NFKBIA: variants seen among roughly 807,000 people sequenced by gnomAD.
The protein encoded by NFKBIA is NF-kappa-B inhibitor alpha.
A neutral mutation model predicts 36.3 loss-of-function variants in NFKBIA; 10 were observed. The observed-to-expected ratio is 0.28, with a 90% CI of 0.17 to 0.47. The LOEUF (loss-of-function observed/expected upper bound fraction) is 0.47. Ranked by LOEUF, NFKBIA falls within the 20% of genes least tolerant of loss-of-function variation. NFKBIA has a pLI of 0.99. For missense variants in NFKBIA, 355 were observed against 399.3 expected (o/e 0.89, Z 0.94); for synonymous variants, 205 against 164.4 (o/e 1.25, Z -1.89).
chr14:35,403,838 G>T, intron 1 of NFKBIA, 40 bp from the exon 2 acceptor site: 1 of 1,468,662 alleles, frequency 6.8e-7, no homozygotes, highest in Non-Finnish European at 9.5e-7. Context: ...GGTGGTGAGT[G>T]CACCGCGTGG....
Position 35,401,999 on chromosome 14 carries a change from C to T in NFKBIA, c.*14G>A, listed in dbSNP as rs768552445. 3.7e-6 allele frequency: 6 copies of T among 1,613,198 alleles called. No individual in the cohort carries two copies. The highest frequency in any genetic ancestry group is 1.7e-5 in the Admixed American group (1 of 59,948). ...ACAAATATACAAGTCCATGTTCTTT[C>T]AGCCCCTTTGCGCTCATAACGTCAG... On this transcript the variant is annotated 3_prime_UTR_variant, in exon 6 of 6. Coordinates refer to ENST00000216797, the MANE Select transcript of NFKBIA (RefSeq NM_020529.3).
rs528587656 is a variant in NFKBIA, at chr14:35,403,061, T to C, written c.547+89A>G. On this transcript the variant is annotated intron_variant, in intron 3 of 5. Transcript: ENST00000216797. ...TCCAAATGTTAGGAGTTTAAGCTCTTGCCTGGACTCCTTAAGTTGGCCCAC... is the reference window on the plus strand; with the variant it reads ...TCCAAATGTTAGGAGTTTAAGCTCTCGCCTGGACTCCTTAAGTTGGCCCAC... 1.9e-5 allele frequency: 27 copies of C among 1,457,174 alleles called. No homozygotes were observed. The African/African-American group carries it at 3.5e-4, about 19-fold the overall frequency. 90.3% of individuals were successfully genotyped at this position (1,457,174 alleles called of 1,614,324 possible). A position where few individuals can be genotyped will look rare whatever the true frequency, so the allele number is the denominator to read the frequency against.
intron 3 of NFKBIA, 22 bp downstream of exon 3, chr14:35,403,128 C>A: frequency 6.2e-7 from 1 of 1,603,994 alleles, no homozygotes; most frequent in South Asian, 1.1e-5. Context: ...GGGGGTGGGG[C>A]AGGGCAGGGA....
At chr14:35,404,397 C>A (rs1161389393) in intron 1 of NFKBIA, 21 bp downstream of exon 1, 3 of 1,541,952 alleles carry the variant, frequency 1.9e-6, no homozygotes, top group East Asian at 2.6e-5. Flanking sequence ...CGACCCCCAG[C>A]CCCGGGCCTC....
At position 35,404,682 on chromosome 14, in the gene NFKBIA, G is replaced by A. The variant is rs1232707068; in HGVS notation, c.-38C>T. 2.2e-6 allele frequency: 3 copies of A among 1,337,782 alleles called. No homozygotes were observed. Among genetic ancestry groups the A allele is most frequent in the Middle Eastern group, 2.3e-4 (1 of 4,338 alleles). The allele number at this position is 1,337,782 out of a possible 1,614,324, so 82.9% of individuals were successfully genotyped here. A position where few individuals can be genotyped will look rare whatever the true frequency, so the allele number is the denominator to read the frequency against. On this transcript the variant is annotated 5_prime_UTR_variant, in exon 1 of 6. Coordinates refer to ENST00000216797, the MANE Select transcript of NFKBIA (RefSeq NM_020529.3). ...CTGCGGGCGCTGCTGCGGGTGCGCT[G>A]GGCCGCGGGCTGCGCGCTGCTTCCT...
chr14:35,403,255 G>T lies in NFKBIA; in HGVS notation c.442C>A (p.Leu148Ile). The T allele has an allele frequency of 1.2e-6, 2 of 1,613,558 alleles. No individual in the cohort carries two copies. Among genetic ancestry groups the T allele is most frequent in the Non-Finnish European group, 1.7e-6 (2 of 1,180,020 alleles). The change falls in exon 3 of 6, where the codon CTA becomes ATA. Residue 148 changes from leucine (L) to isoleucine (I), a missense_variant. Transcript: ENST00000216797. The stretch of plus-strand genomic sequence containing the variant: ...CAGCCCTGCTCACAGGCAAGGTGTA[G>T]GGGGGTATTTCCTCGAAAGTCTCGG... ...ELRDFRGNTPLHLACEQGCLA... is the reference protein window; with the variant it reads ...ELRDFRGNTPIHLACEQGCLA...
In NFKBIA at chr14:35,403,165, C is replaced by T. The variant is rs1034704889; in HGVS notation, c.532G>A (p.Ala178Thr). ...TTPHLHSILK[A>T]TNYNGHTCLH... ...GCAGACATACCATTGTAGTTGGTAG[C>T]CTTCAGGATGGAGTGGAGGTGCGGG... Residue 178 changes from alanine (A) to threonine (T), a missense_variant, in exon 3 of 6, where the codon GCT (alanine) becomes ACT (threonine). Coordinates refer to ENST00000216797, the MANE Select transcript of NFKBIA (RefSeq NM_020529.3). 6.2e-7 allele frequency: 1 copy of T among 1,611,516 alleles called. No homozygotes were observed. The highest frequency in any genetic ancestry group is 8.5e-7 in the Non-Finnish European group (1 of 1,179,458).
At chr14:35,403,057 C>T (rs2052745494) in intron 3 of NFKBIA, 93 bp downstream of exon 3, 1 of 1,439,312 alleles carries the variant, frequency 6.9e-7, no homozygotes, top group South Asian at 1.2e-5. Flanking sequence ...GGAGTTTAAG[C>T]TCTTGCCTGG....
At chr14:35,404,359 CCAGGCCGCGCGCGT>C in intron 1 of NFKBIA, 45 bp downstream of exon 1, 15 of 1,073,394 alleles carry the variant, frequency 1.4e-5, no homozygotes, top group Non-Finnish European at 1.9e-5. Flanking sequence ...CCTCCCACCC[CCAGGCCGCGCGCGT>C]CCCGCCCTCC....
intron 1 of NFKBIA, chr14:35,404,104 A>C (rs2052761102): frequency 4.8e-6 from 2 of 418,266 alleles, no homozygotes; most frequent in South Asian, 2.3e-5. Flanking sequence ...GCCCCGCCTT[A>C]TGCAACCGGG....
At chr14:35,404,386 A>G (rs2138833890) in intron 1 of NFKBIA, 32 bp downstream of exon 1, 3 of 518,356 alleles carry the variant, frequency 5.8e-6, no homozygotes, top group East Asian at 1.0e-4. Flanking sequence ...CGCCCTCCCG[A>G]CGACCCCCAG....
At chr14:35,403,449 C>T in intron 2 of NFKBIA, 89 bp from the exon 3 acceptor site, 2 of 1,412,138 alleles carry the variant, frequency 1.4e-6, no homozygotes, top group Non-Finnish European at 2.0e-6. Context: ...TGGTTGGGTG[C>T]TGCTCCTCCT....
chr14:35,404,359 C>T (rs1202003700), intron 1 of NFKBIA, 59 bp downstream of exon 1: 12 of 1,073,322 alleles, frequency 1.1e-5, no homozygotes, highest in Admixed American at 2.4e-5. Flanking sequence ...CCTCCCACCC[C>T]CAGGCCGCGC....
chr14:35,404,088 A>G (rs1186655725), intron 1 of NFKBIA: 1 of 435,458 alleles, frequency 2.3e-6, no homozygotes, highest in African/African-American at 2.2e-5. Context: ...GCGGCCAGAA[A>G]CTCCCGCCCC....
chr14:35,403,264 T>C lies in NFKBIA; in HGVS notation c.433A>G (p.Asn145Asp), dbSNP rs1225921496. The change falls in exon 3 of 6, where the codon AAT becomes GAT. Residue 145 changes from asparagine to aspartate, a missense_variant. Transcript: ENST00000216797. ...TCACAGGCAAGGTGTAGGGGGGTAT[T>C]TCCTCGAAAGTCTCGGAGCTCAGGA... ...CDPELRDFRG[N>D]TPLHLACEQG... 6.2e-7 allele frequency: 1 copy of C among 1,613,678 alleles called. No homozygotes were observed. Among genetic ancestry groups the C allele is most frequent in the East Asian group, 2.2e-5 (1 of 44,882 alleles).
rs1443921195 is a variant in NFKBIA at position 35,404,067 on chromosome 14, G to C, written c.228-269C>G. On this transcript the variant is annotated intron_variant, in intron 1 of 5. Coordinates refer to ENST00000216797, the MANE Select transcript of NFKBIA (RefSeq NM_020529.3). ...CCTGTACTTCCCCTCCCGGCTGCTC[G>C]GCGCCCGCCAGCGGCCAGAAACTCC... is the stretch of plus-strand genomic sequence containing the variant. The C allele has an allele frequency of 6.3e-6, 3 of 478,586 alleles. No individual in the cohort carries two copies. The East Asian group carries it at 1.2e-4, about 20-fold the overall frequency. The allele number at this position is 478,586 out of a possible 1,614,324, so 29.6% of individuals were successfully genotyped here.
At chr14:35,403,859 G>C in intron 1 of NFKBIA, 61 bp from the exon 2 acceptor site, 1 of 1,269,944 alleles carries the variant, frequency 7.9e-7, no homozygotes, top group South Asian at 1.2e-5. Context: ...GGCCCAGGGA[G>C]GCGCGGGCTG....
chr14:35,402,891 C>T, intron 3 of NFKBIA, 32 bp from the exon 4 acceptor site: 1 of 1,579,866 alleles, frequency 6.3e-7, no homozygotes, highest in Non-Finnish European at 8.7e-7. Flanking sequence ...AGTATAACCA[C>T]CTGTTTCAAC....
rs201427068 is a variant in NFKBIA at position 35,402,326 on chromosome 14, A to G, written c.906+68T>C. ...TACCCCTCTGATAAGGAGCAGCTCT[A>G]GGGGCCTGGGAGGGTGAAGGGAATG... On this transcript the variant is annotated intron_variant, in intron 5 of 5. Coordinates refer to ENST00000216797, the MANE Select transcript of NFKBIA (RefSeq NM_020529.3). 547 of 1,583,758 alleles carry G rather than the reference A, an allele frequency of 3.5e-4. 2 individuals are homozygous for G. The highest frequency in any genetic ancestry group is 4.6e-4 in the Non-Finnish European group (529 of 1,153,192).
Sources: gnomAD v4.1 joint callset for allele counts on GRCh38, gnomAD v4.1.1 for gene constraint, MANE v1.5 for transcripts, NCBI Gene and HGNC (gene_info 2026-07-23, HGNC 2026-07-21) for gene names.